HTR4: variants seen among roughly 807,000 people sequenced by gnomAD.
HTR4 encodes 5-hydroxytryptamine (serotonin) receptor 4, G protein-coupled.
Under a neutral mutation model 36.8 loss-of-function variants are expected in HTR4, and 16 were observed. That is an observed-to-expected ratio of 0.43 (90% CI 0.29 to 0.66). HTR4 has a LOEUF of 0.66. HTR4 is among the 30% of genes least tolerant of loss of function. The probability of loss-of-function intolerance (pLI) is 0.13; values close to 1 mark genes in which losing one functional copy is unlikely to be tolerated. For synonymous variants in HTR4, 189 were observed against 185.1 expected, an observed-to-expected ratio of 1.02 and a Z score of -0.17; for missense variants, 438 against 490.9, an observed-to-expected ratio of 0.89 and a Z score of 1.02.
At chr5:148,644,145 C>T (rs1753805797) in intron 1 of HTR4, among the ~76,000 whole-genome samples, 1 of 152,104 alleles carries the variant, frequency 6.6e-6, no homozygotes, top group South Asian at 2.1e-4. Context: ...GGTTCAGGGA[C>T]CACTCTTTGA....
At chr5:148,622,981 G>T (rs1184934072) in intron 2 of HTR4, among the ~76,000 whole-genome samples, 1 of 152,142 alleles carries the variant, frequency 6.6e-6, no homozygotes, top group Non-Finnish European at 1.5e-5. Flanking sequence ...AAGTGAGGGA[G>T]GGACTAGGGG....
chr5:148,642,565 T>C (rs1403415157), intron 1 of HTR4, among the ~76,000 whole-genome samples: 1 of 152,166 alleles, frequency 6.6e-6, no homozygotes, highest in Non-Finnish European at 1.5e-5. Flanking sequence ...CTACCCGCCA[T>C]ATGCACTAAA....
chr5:148,586,448 A>G (rs1470130740), intron 2 of HTR4, among the ~76,000 whole-genome samples: 1 of 151,994 alleles, frequency 6.6e-6, no homozygotes, highest in Non-Finnish European at 1.5e-5. Context: ...ACAGGAGTAT[A>G]TTAGTCCATT....
intron 6 of HTR4, among the ~76,000 whole-genome samples, chr5:148,485,006 G>A (rs1216509634): frequency 2.0e-5 from 3 of 152,100 alleles, no homozygotes; most frequent in Non-Finnish European, 4.4e-5. Context: ...AGGAGAGAAG[G>A]AAGAAAGGGA....
chr5:148,515,753 G>C (rs1028262204), intron 5 of HTR4, among the ~76,000 whole-genome samples: 2 of 143,090 alleles, frequency 1.4e-5, no homozygotes, highest in African/African-American at 5.8e-5. Flanking sequence ...ACTTGTCTTT[G>C]ATTTTCAGCA....
At chr5:148,556,027 T>C (rs775543898) in intron 2 of HTR4, among the ~76,000 whole-genome samples, 3 of 152,100 alleles carry the variant, frequency 2.0e-5, no homozygotes, top group Non-Finnish European at 4.4e-5. Flanking sequence ...TGTTGTTATT[T>C]ATTTATTTAT....
intron 2 of HTR4, chr5:148,628,443 A>G (rs1043876919): frequency 7.9e-5 from 12 of 152,362 alleles, no homozygotes; most frequent in African/African-American, 2.6e-4. Context: ...AAGGCATCAA[A>G]CAACAGTGAT....
At chr5:148,567,432 A>G (rs930843813) in intron 2 of HTR4, among the ~76,000 whole-genome samples, 16 of 152,160 alleles carry the variant, frequency 1.1e-4, no homozygotes, top group Non-Finnish European at 2.4e-4. Context: ...TACCTCTGAA[A>G]TCAAAGGCAG....
At chr5:148,548,897 G>T (rs762584464) in intron 3 of HTR4, 29 bp from the exon 4 acceptor site, 20 of 1,542,346 alleles carry the variant, frequency 1.3e-5, no homozygotes, top group South Asian at 1.0e-4. Flanking sequence ...AAGAGAGGAG[G>T]CAGGGGGAGG....
Position 148,654,284 on chromosome 5 carries a change from A to C in HTR4, c.-270T>G. 2 of 984,914 alleles carry C rather than the reference A, an allele frequency of 2.0e-6. No homozygotes were observed. Among genetic ancestry groups the C allele is most frequent in the Non-Finnish European group, 2.4e-6 (2 of 829,720 alleles). 61.0% of individuals were successfully genotyped at this position (984,914 alleles called of 1,614,324 possible). On this transcript the variant is annotated 5_prime_UTR_variant, in exon 1 of 7. It removes the in-frame stop codon of an upstream open reading frame in the 5' UTR. Coordinates refer to ENST00000377888, the MANE Select transcript of HTR4 (RefSeq NM_000870.7). ...GGGCGCAGGACCCCAGCCCCGGATC[A>C]CCTGGGCTCGCCGCGCATCGTCCTT... is the stretch of plus-strand genomic sequence containing the variant.
chr5:148,491,382 C>T (rs1288923947), intron 6 of HTR4, among the ~76,000 whole-genome samples: 1 of 151,788 alleles, frequency 6.6e-6, no homozygotes. Flanking sequence ...CCAAATGGTG[C>T]AGGGGCTGAA....
intron 2 of HTR4, among the ~76,000 whole-genome samples, chr5:148,617,997 G>C (rs1025004556): frequency 6.6e-6 from 1 of 152,090 alleles, no homozygotes; most frequent in Non-Finnish European, 1.5e-5. Flanking sequence ...TTCCCTCTTC[G>C]GCAACAGCTT....
intron 2 of HTR4, among the ~76,000 whole-genome samples, chr5:148,596,724 A>G (rs975177561): frequency 3.9e-5 from 6 of 152,158 alleles, no homozygotes; most frequent in African/African-American, 1.4e-4. Flanking sequence ...GTACTGCTCT[A>G]GCAAAACTGA....
intron 6 of HTR4, among the ~76,000 whole-genome samples, chr5:148,508,066 A>C (rs1757308552): frequency 1.3e-5 from 2 of 152,216 alleles, no homozygotes; most frequent in South Asian, 4.1e-4. Flanking sequence ...TTGTAGCAAA[A>C]AATGGAATTC....
chr5:148,523,269 C>G lies in HTR4; in HGVS notation c.431G>C (p.Gly144Ala). ...TPLRIALMLG[G>A]CWVIPTFISF... ...AATAAACGTGGGGATGACCCAGCAG[C>G]CTCCCAGCATTAATGCGATGCGCAG... Residue 144 changes from glycine to alanine, a missense_variant, in exon 5 of 7, where the codon GGC becomes GCC. By Grantham distance (60) the Gly-to-Ala change is moderately conservative. Transcript: ENST00000377888. 2 of 1,613,396 alleles carry G rather than the reference C, an allele frequency of 1.2e-6. No individual in the cohort carries two copies. The highest frequency in any genetic ancestry group is 1.7e-4 in the Middle Eastern group (1 of 6,050).
At chr5:148,644,539 TG>T (rs1753825131) in intron 1 of HTR4, 2 of 145,828 alleles carry the variant, frequency 1.4e-5, no homozygotes, top group African/African-American at 5.1e-5. Context: ...ATTTGGCAGG[TG>T]CCAGTACACT....
At chr5:148,535,720 G>A (rs1208648399) in intron 4 of HTR4, among the ~76,000 whole-genome samples, 5 of 152,128 alleles carry the variant, frequency 3.3e-5, no homozygotes, top group African/African-American at 1.2e-4. Context: ...GAAAACCTCT[G>A]AGAAGTATAG....
chr5:148,585,459 G>A (rs1761310112), intron 2 of HTR4, among the ~76,000 whole-genome samples: 1 of 152,184 alleles, frequency 6.6e-6, no homozygotes. Flanking sequence ...ATAAATATTT[G>A]CTGAGTGCCA....
At chr5:148,648,960 T>A (rs1753952755) in intron 1 of HTR4, among the ~76,000 whole-genome samples, 1 of 152,164 alleles carries the variant, frequency 6.6e-6, no homozygotes, top group African/African-American at 2.4e-5. Flanking sequence ...TTTCAATAAA[T>A]CCTAATTTTT....
Sources: gnomAD v4.1 joint callset for allele counts (sites outside exome capture counted in the v4.1 genomes callset) on GRCh38, gnomAD v4.1.1 for gene constraint, MANE v1.5 for transcripts, NCBI Gene and HGNC (gene_info 2026-07-23, HGNC 2026-07-21) for gene names.